Variants in AGAP1 observed in about 807,000 individuals in gnomAD.
The protein encoded by AGAP1 is ArfGAP with GTPase domain, ankyrin repeat and PH domain 1.
In AGAP1, 29 loss-of-function variants were observed where a neutral mutation model predicts 105.3. The ratio of observed to expected loss-of-function variants is 0.28; its 90% CI spans 0.21 to 0.38. The LOEUF (loss-of-function observed/expected upper bound fraction) is 0.38, where lower values mean the gene tolerates loss of function less well. AGAP1 is among the 10% of genes least tolerant of loss of function. The pLI is 1.00. For missense variants in AGAP1, 998 were observed against 1,165.1 expected (o/e 0.86, Z 2.09); for synonymous variants, 509 against 485.9 (o/e 1.05, Z -0.63).
At position 236,005,302 on chromosome 2, in the gene AGAP1, G is replaced by A. The variant is rs531824500; in HGVS notation, c.1646-31259G>A. ...CTGGGACTACAGGAGTGTGCCACCG[G>A]CTAATTTTTTTTATTTTTGGTAGAA... is the stretch of plus-strand genomic sequence containing the variant. On this transcript the variant is annotated intron_variant, in intron 13 of 17. Transcript: ENST00000304032. This position sits in a 1 kb window ranked among gnomAD's most constrained non-coding sequence, Gnocchi z 4.1. Among the ~76,000 whole-genome samples the A allele has an allele frequency of 3.9e-4, 59 of 152,070 alleles. No homozygotes were observed. The highest frequency in any genetic ancestry group is 1.4e-3 in the African/African-American group (58 of 41,474).
rs1228669264 is a variant in AGAP1 at position 236,038,976 on chromosome 2, A to G, written c.1801-1775A>G. ...CTAATTAGACAGTAGTGATTAATAC[A>G]TTATAATTTATTATGTAGCAAGTAA... On this transcript the variant is annotated intron_variant, in intron 14 of 17. Coordinates refer to ENST00000304032, the MANE Select transcript of AGAP1 (RefSeq NM_001037131.3). The surrounding 1 kb of genome is among the most constrained non-coding windows in gnomAD (Gnocchi z 4.5). Among the ~76,000 whole-genome samples the G allele has an allele frequency of 6.6e-6, 1 of 152,242 alleles. No individual in the cohort carries two copies. Among genetic ancestry groups the G allele is most frequent in the Non-Finnish European group, 1.5e-5 (1 of 68,038 alleles).
At position 235,828,120 on chromosome 2, in the gene AGAP1, G is replaced by A. The variant is rs528965134; in HGVS notation, c.1050+20789G>A. ...CCTGGGGACAAATGTTTTCTGGCTT[G>A]TTCTCATGTTTCTGGGAAATAATGG... On this transcript the variant is annotated intron_variant, in intron 9 of 17. Coordinates refer to ENST00000304032, the MANE Select transcript of AGAP1 (RefSeq NM_001037131.3). Among the ~76,000 whole-genome samples, 197 of 152,310 alleles carry A rather than the reference G, an allele frequency of 1.3e-3. 1 individual carries two copies. The highest frequency in any genetic ancestry group is 3.4e-3 in the Middle Eastern group (1 of 294).
At position 235,737,542 on chromosome 2, in the gene AGAP1, C is replaced by T. The variant is rs955703608; in HGVS notation, c.311-3421C>T. Among the ~76,000 whole-genome samples, 11 of 152,132 alleles carry T rather than the reference C, an allele frequency of 7.2e-5. No individual in the cohort carries two copies. The highest frequency in any genetic ancestry group is 6.5e-5 in the Admixed American group (1 of 15,284). On this transcript the variant is annotated intron_variant, in intron 3 of 17. Transcript: ENST00000304032. This position sits in a 1 kb window ranked among gnomAD's most constrained non-coding sequence, Gnocchi z 4.5. ...CTCAGTGCCCTCCTAGGGAACCTTT[C>T]GTAACTTGAATATTGTGATTCAGCC...
At chr2:235,565,901 C>T (rs1944331658) in intron 1 of AGAP1, among the ~76,000 whole-genome samples, 1 of 152,008 alleles carries the variant, frequency 6.6e-6, no homozygotes, top group African/African-American at 2.4e-5. Context: ...CTCAATCTCC[C>T]AAGATATTAA....
intron 11 of AGAP1, among the ~76,000 whole-genome samples, chr2:235,926,244 G>A (rs555851116): frequency 6.6e-6 from 1 of 152,326 alleles, no homozygotes; most frequent in Non-Finnish European, 1.5e-5. Context: ...AATTGGATAT[G>A]GAATGTGCAT....
In AGAP1 at chr2:235,908,691, TC is replaced by T. The variant is rs2051425595; in HGVS notation, c.1156-46del. ...CCCTTTTGTTCTAGGTTGTAAAAGG[TC>T]TTTTTTTTTTTTTTATCTCTCTTGG... On this transcript the variant is annotated intron_variant, in intron 10 of 17. Coordinates refer to ENST00000304032, the MANE Select transcript of AGAP1 (RefSeq NM_001037131.3). This position sits in a 1 kb window ranked among gnomAD's most constrained non-coding sequence, Gnocchi z 4.4. 1.4e-6 allele frequency: 2 copies of T among 1,437,676 alleles called. No individual in the cohort carries two copies. Among genetic ancestry groups the T allele is most frequent in the South Asian group, 1.4e-5 (1 of 73,516 alleles). 89.1% of individuals were successfully genotyped at this position (1,437,676 alleles called of 1,614,324 possible).
intron 16 of AGAP1, among the ~76,000 whole-genome samples, chr2:236,084,641 G>A (rs1304982894): frequency 6.6e-6 from 1 of 152,134 alleles, no homozygotes; most frequent in African/African-American, 2.4e-5. Context: ...GGTAGCTCAT[G>A]CCTGTAATCC....
intron 13 of AGAP1, among the ~76,000 whole-genome samples, chr2:235,972,921 C>T (rs1017616512): frequency 5.5e-4 from 83 of 152,106 alleles, no homozygotes; most frequent in African/African-American, 1.8e-3. Context: ...GCCCTCGCGG[C>T]TTCCTGAACA....
chr2:235,567,660 T>TA (rs948852617), intron 1 of AGAP1, among the ~76,000 whole-genome samples: 1 of 149,656 alleles, frequency 6.7e-6, no homozygotes, highest in Non-Finnish European at 1.5e-5. Flanking sequence ...GTGGACTATT[T>TA]AGAGGTCTAG....
At position 235,750,078 on chromosome 2, in the gene AGAP1, C is replaced by A. The variant is rs997324807; in HGVS notation, c.539-276C>A. On this transcript the variant is annotated intron_variant, in intron 5 of 17. Transcript: ENST00000304032. The surrounding 1 kb of genome is among the most constrained non-coding windows in gnomAD (Gnocchi z 5.3). ...TTTCCTCCTTTCTAAAGTATGTATC[C>A]TCTAGACCCATATTTAAGTCTTTTT... Among the ~76,000 whole-genome samples, 1 of 152,156 alleles carries A rather than the reference C, an allele frequency of 6.6e-6. No homozygotes were observed. Among genetic ancestry groups the A allele is most frequent in the Non-Finnish European group, 1.5e-5 (1 of 68,036 alleles).
At chr2:235,986,260 G>A (rs1336787114) in intron 13 of AGAP1, among the ~76,000 whole-genome samples, 1 of 152,020 alleles carries the variant, frequency 6.6e-6, no homozygotes, top group African/African-American at 2.4e-5. Flanking sequence ...TCATGATTTG[G>A]CTCTCTGCTT....
chr2:235,746,401 T>TTTTTTC, intron 5 of AGAP1, among the ~76,000 whole-genome samples: 1 of 130,498 alleles, frequency 7.7e-6, no homozygotes, highest in African/African-American at 2.9e-5. Context: ...TTTTTTTTTT[T>TTTTTTC]TTTTTTTTTT....
At chr2:235,686,993 C>T (rs967663763) in intron 1 of AGAP1, among the ~76,000 whole-genome samples, 1 of 151,904 alleles carries the variant, frequency 6.6e-6, no homozygotes, top group Non-Finnish European at 1.5e-5. Context: ...TTATCTTCCT[C>T]ACTCTTCTTT....
At chr2:235,849,213 A>G (rs1350223952) in intron 9 of AGAP1, among the ~76,000 whole-genome samples, 4 of 152,222 alleles carry the variant, frequency 2.6e-5, no homozygotes, top group African/African-American at 9.6e-5. Context: ...AGTGAATACT[A>G]AAGACCGCCA....
rs953268010 is a variant in AGAP1 at position 235,559,392 on chromosome 2, C to T, written c.163+64543C>T. Among the ~76,000 whole-genome samples, 1 of 152,160 alleles carries T rather than the reference C, an allele frequency of 6.6e-6. No individual in the cohort carries two copies. Among genetic ancestry groups the T allele is most frequent in the East Asian group, 1.9e-4 (1 of 5,196 alleles). On this transcript the variant is annotated intron_variant, in intron 1 of 17. Coordinates refer to ENST00000304032, the MANE Select transcript of AGAP1 (RefSeq NM_001037131.3). This position sits in a 1 kb window ranked among gnomAD's most constrained non-coding sequence, Gnocchi z 5.7. ...GCAAGCCAGAGGCGTCTGTGATGAG[C>T]GCCTGCAGACGCTGGTGGGTGCTTG... is the stretch of plus-strand genomic sequence containing the variant.
At position 235,566,207 on chromosome 2, in the gene AGAP1, T is replaced by G. The variant is rs564532404; in HGVS notation, c.163+71358T>G. Among the ~76,000 whole-genome samples, 45 of 152,232 alleles carry G rather than the reference T, an allele frequency of 3.0e-4. No homozygotes were observed. The highest frequency in any genetic ancestry group is 1.0e-3 in the African/African-American group (43 of 41,526). On this transcript the variant is annotated intron_variant, in intron 1 of 17. Transcript: ENST00000304032. The surrounding 1 kb of genome is among the most constrained non-coding windows in gnomAD (Gnocchi z 5.2). ...CCCGGATTCAAGTGATTCTGCTCCC[T>G]CAGCCTCCCAAGTAGCTGGGATTAC...
Position 235,936,672 on chromosome 2 carries a change from G to T in AGAP1, c.1483+5749G>T, listed in dbSNP as rs1166217827. Among the ~76,000 whole-genome samples the T allele has an allele frequency of 2.0e-5, 3 of 152,072 alleles. No homozygotes were observed. Among genetic ancestry groups the T allele is most frequent in the Non-Finnish European group, 4.4e-5 (3 of 68,026 alleles). ...CAATTTTAGTGTATGACCAGCAGGCGGCGGTAATGTGATACTGCCGGTCTC... is the reference window on the plus strand; with the variant it reads ...CAATTTTAGTGTATGACCAGCAGGCTGCGGTAATGTGATACTGCCGGTCTC... On this transcript the variant is annotated intron_variant, in intron 12 of 17. Coordinates refer to ENST00000304032, the MANE Select transcript of AGAP1 (RefSeq NM_001037131.3). This position sits in a 1 kb window ranked among gnomAD's most constrained non-coding sequence, Gnocchi z 4.7.
Position 235,893,625 on chromosome 2 carries a change from C to A in AGAP1, c.1155+10176C>A, listed in dbSNP as rs1372514912. On this transcript the variant is annotated intron_variant, in intron 10 of 17. Transcript: ENST00000304032. This position sits in a 1 kb window ranked among gnomAD's most constrained non-coding sequence, Gnocchi z 4.7. The stretch of plus-strand genomic sequence containing the variant: ...TCATGGCCCTCCCTGATTCCCAGGC[C>A]CCATCTAGTGTACATCATTGCCTCG... Among the ~76,000 whole-genome samples, 2 of 152,076 alleles carry A rather than the reference C, an allele frequency of 1.3e-5. No homozygotes were observed. Among genetic ancestry groups the A allele is most frequent in the Non-Finnish European group, 2.9e-5 (2 of 68,034 alleles).
rs890148035 is a variant in AGAP1 at position 236,096,945 on chromosome 2, CTT to C, written c.2115-23242_2115-23241del. The stretch of plus-strand genomic sequence containing the variant: ...TCACGTGGCCAATCCATTCATCTGA[CTT>C]TTTTACCAAATGCATTGAGCTGAAT... On this transcript the variant is annotated intron_variant, in intron 16 of 17. Coordinates refer to ENST00000304032, the MANE Select transcript of AGAP1 (RefSeq NM_001037131.3). The surrounding 1 kb of genome is among the most constrained non-coding windows in gnomAD (Gnocchi z 4.4). Among the ~76,000 whole-genome samples, 1 of 152,150 alleles carries C rather than the reference CTT, an allele frequency of 6.6e-6. No homozygotes were observed. The highest frequency in any genetic ancestry group is 1.5e-5 in the Non-Finnish European group (1 of 68,028).
Sources: gnomAD v4.1 joint callset for allele counts (sites outside exome capture counted in the v4.1 genomes callset) on GRCh38, gnomAD v4.1.1 for gene constraint, Gnocchi (gnomAD v3.1) non-coding constraint, MANE v1.5 for transcripts, NCBI Gene and HGNC (gene_info 2026-07-23, HGNC 2026-07-21) for gene names.